TMEM117: variants seen among roughly 807,000 people sequenced by gnomAD.
The protein encoded by TMEM117 is transmembrane protein 117.
TMEM117 carries 27 observed loss-of-function variants against 52.4 expected under a neutral mutation model. That is an observed-to-expected ratio of 0.51 (90% CI 0.38 to 0.71). The LOEUF (loss-of-function observed/expected upper bound fraction) is 0.71, where lower values mean the gene tolerates loss of function less well. TMEM117 is among the 30% of genes least tolerant of loss of function. TMEM117 has a pLI of 0.00. For synonymous variants in TMEM117, 215 were observed against 206.3 expected, an observed-to-expected ratio of 1.04 and a Z score of -0.36; for missense variants, 556 against 630.5, an observed-to-expected ratio of 0.88 and a Z score of 1.26.
intron 3 of TMEM117, among the ~76,000 whole-genome samples, chr12:43,966,325 A>G (rs1414913966): frequency 6.6e-6 from 1 of 152,364 alleles, no homozygotes; most frequent in African/African-American, 2.4e-5. Flanking sequence ...CAATAAAACT[A>G]TAACATAAAT....
At chr12:43,810,415 C>G in the TMEM117 span, among the ~76,000 whole-genome samples, 1 of 152,124 alleles carries the variant, frequency 6.6e-6, no homozygotes, top group Admixed American at 6.5e-5. Context: ...GAGATATTAT[C>G]TCATACTGAG....
intron 6 of TMEM117, among the ~76,000 whole-genome samples, chr12:44,316,341 C>G (rs959001456): frequency 6.6e-6 from 1 of 151,918 alleles, no homozygotes; most frequent in South Asian, 2.1e-4. Flanking sequence ...GCTTATAAAG[C>G]TTAGTTTGAT....
chr12:44,054,750 T>C (rs1210543640), intron 3 of TMEM117, among the ~76,000 whole-genome samples: 1 of 152,072 alleles, frequency 6.6e-6, no homozygotes, highest in East Asian at 1.9e-4. Context: ...TTCTTTTTTT[T>C]TTAAATTATA....
At chr12:44,258,977 T>C (rs73086742) in intron 5 of TMEM117, among the ~76,000 whole-genome samples, 648 of 152,268 alleles carry the variant, frequency 4.3e-3, no homozygotes, top group Middle Eastern at 0.01. Flanking sequence ...AAATATCAAA[T>C]TCATAATTTT....
intron 3 of TMEM117, among the ~76,000 whole-genome samples, chr12:43,967,900 C>G (rs971399732): frequency 6.6e-5 from 10 of 152,188 alleles, no homozygotes; most frequent in Admixed American, 3.9e-4. Flanking sequence ...CGTGTGGACA[C>G]GCACACATAC....
intron 3 of TMEM117, among the ~76,000 whole-genome samples, chr12:43,978,929 A>G (rs1399647479): frequency 6.6e-6 from 1 of 151,256 alleles, no homozygotes; most frequent in East Asian, 1.9e-4. Context: ...TAGGAAAAAC[A>G]AACAATTGGA....
intron 3 of TMEM117, among the ~76,000 whole-genome samples, chr12:44,115,759 C>T (rs948784819): frequency 6.6e-6 from 1 of 152,160 alleles, no homozygotes; most frequent in African/African-American, 2.4e-5. Context: ...ATTTATGGAA[C>T]AGCTACTATG....
intron 4 of TMEM117, among the ~76,000 whole-genome samples, chr12:44,193,298 C>T (rs180677919): frequency 6.6e-6 from 1 of 152,206 alleles, no homozygotes; most frequent in Admixed American, 6.5e-5. Context: ...AACACTTTGG[C>T]TATATAATTT....
intron 2 of TMEM117, among the ~76,000 whole-genome samples, chr12:43,866,060 T>A (rs535270749): frequency 1.3e-5 from 2 of 151,862 alleles, no homozygotes; most frequent in Admixed American, 1.3e-4. Flanking sequence ...TTTATAACAG[T>A]GTTCATACTT....
the TMEM117 span, among the ~76,000 whole-genome samples, chr12:43,812,961 A>G: frequency 6.6e-6 from 1 of 151,066 alleles, no homozygotes; most frequent in Admixed American, 6.6e-5. Flanking sequence ...AGCTACGATC[A>G]TGTGCACTAT....
intron 6 of TMEM117, among the ~76,000 whole-genome samples, chr12:44,317,499 A>G (rs1220727323): frequency 6.6e-6 from 1 of 151,964 alleles, no homozygotes; most frequent in Non-Finnish European, 1.5e-5. Context: ...GGTTCAAGCA[A>G]TCCTCCTGCC....
intron 5 of TMEM117, among the ~76,000 whole-genome samples, chr12:44,269,291 C>A (rs1043121396): frequency 1.3e-5 from 2 of 152,134 alleles, no homozygotes; most frequent in Non-Finnish European, 2.9e-5. Context: ...CCCCAATCCA[C>A]ACTCCTTAAT....
intron 3 of TMEM117, among the ~76,000 whole-genome samples, chr12:43,948,200 A>G (rs183840932): frequency 1.1e-4 from 16 of 152,254 alleles, no homozygotes; most frequent in African/African-American, 7.2e-5. Flanking sequence ...CAAGGCTCAG[A>G]CAATCCATAT....
At chr12:44,012,426 G>C (rs2137811268) in intron 3 of TMEM117, among the ~76,000 whole-genome samples, 1 of 145,382 alleles carries the variant, frequency 6.9e-6, no homozygotes, top group Non-Finnish European at 1.5e-5. Context: ...TTCTTTTTCT[G>C]ATATTCCCAT....
intron 3 of TMEM117, among the ~76,000 whole-genome samples, chr12:43,996,093 C>T (rs1204325010): frequency 1.3e-5 from 2 of 152,124 alleles, no homozygotes. Context: ...TTTACTGTTT[C>T]ATGCTGATTG....
At chr12:44,018,169 CAT>C (rs1694677553) in intron 3 of TMEM117, among the ~76,000 whole-genome samples, 1 of 152,016 alleles carries the variant, frequency 6.6e-6, no homozygotes, top group African/African-American at 2.4e-5. Context: ...AGATAAGAAA[CAT>C]AAAAATGTGG....
intron 4 of TMEM117, among the ~76,000 whole-genome samples, chr12:44,179,260 T>TACACAATTGGCTC (rs112590201): frequency 5.9e-5 from 9 of 152,052 alleles, no homozygotes; most frequent in African/African-American, 2.2e-4. Flanking sequence ...AGAATTGGCT[T>TACACAATTGGCTC]ACACAATTGG....
intron 4 of TMEM117, among the ~76,000 whole-genome samples, chr12:44,195,464 G>C (rs1019269850): frequency 6.6e-6 from 1 of 151,984 alleles, no homozygotes; most frequent in African/African-American, 2.4e-5. Context: ...GTTCCACCCA[G>C]AACTAAAGGA....
the TMEM117 span, among the ~76,000 whole-genome samples, chr12:43,828,377 G>T: frequency 6.6e-6 from 1 of 152,228 alleles, no homozygotes; most frequent in African/African-American, 2.4e-5. Context: ...CTATGATGCA[G>T]GAAGGGCCTC....
Sources: gnomAD v4.1 joint callset for allele counts (sites outside exome capture counted in the v4.1 genomes callset) on GRCh38, gnomAD v4.1.1 for gene constraint, MANE v1.5 for transcripts, NCBI Gene and HGNC (gene_info 2026-07-23, HGNC 2026-07-21) for gene names.